SSBP2: variants seen among roughly 807,000 people sequenced by gnomAD.
SSBP2 encodes the protein single-stranded DNA-binding protein 2.
In SSBP2, 17 loss-of-function variants were observed where a neutral mutation model predicts 61.8. That is an observed-to-expected ratio of 0.28 (90% confidence interval 0.19 to 0.41). The LOEUF is 0.41. SSBP2 is among the 10% of genes least tolerant of loss of function. The pLI, the probability that SSBP2 is intolerant of heterozygous loss-of-function variation, is 1.00. For synonymous variants in SSBP2, 139 were observed against 141.3 expected (o/e 0.98, Z 0.12); for missense variants, 310 against 458.7 (o/e 0.68, Z 2.96).
chr5:81,644,715 A>G (rs1271219057), intron 2 of SSBP2, among the ~76,000 whole-genome samples: 2 of 152,166 alleles, frequency 1.3e-5, no homozygotes, highest in Non-Finnish European at 1.5e-5. Context: ...TAAAAAAGGG[A>G]TAGACCATAA....
At chr5:81,672,387 T>G (rs987513305) in intron 1 of SSBP2, among the ~76,000 whole-genome samples, 1 of 152,092 alleles carries the variant, frequency 6.6e-6, no homozygotes, top group African/African-American at 2.4e-5. Context: ...AAGAAAATAG[T>G]CCATATTTTT....
intron 3 of SSBP2, among the ~76,000 whole-genome samples, chr5:81,617,849 A>T (rs1264118226): frequency 8.3e-6 from 1 of 120,632 alleles, no homozygotes; most frequent in African/African-American, 3.2e-5. Context: ...ATCCAGCCAA[A>T]CTAAGCTTCA....
chr5:81,623,012 G>A (rs963928493), intron 3 of SSBP2, among the ~76,000 whole-genome samples: 1 of 151,512 alleles, frequency 6.6e-6, no homozygotes, highest in Admixed American at 6.6e-5. Context: ...AGTTATAACT[G>A]AAATCCTTGC....
chr5:81,741,458 C>A (rs1038463608), intron 1 of SSBP2, among the ~76,000 whole-genome samples: 1 of 152,088 alleles, frequency 6.6e-6, no homozygotes, highest in Non-Finnish European at 1.5e-5. Flanking sequence ...CTGAACTGTA[C>A]AACTAAAAGT....
At chr5:81,717,229 C>T (rs1441482288) in intron 1 of SSBP2, among the ~76,000 whole-genome samples, 1 of 152,010 alleles carries the variant, frequency 6.6e-6, no homozygotes, top group African/African-American at 2.4e-5. Flanking sequence ...AGGTAGTCAC[C>T]CTCCAGGACA....
intron 3 of SSBP2, among the ~76,000 whole-genome samples, chr5:81,630,025 G>C (rs887837743): frequency 2.0e-5 from 3 of 152,120 alleles, no homozygotes; most frequent in African/African-American, 7.2e-5. Flanking sequence ...TGGTGAAAAG[G>C]CTTAAACAAC....
At chr5:81,523,084 G>T (rs187120204) in intron 4 of SSBP2, among the ~76,000 whole-genome samples, 37 of 152,074 alleles carry the variant, frequency 2.4e-4, no homozygotes, top group Admixed American at 5.2e-4. Flanking sequence ...AAATAAGAGT[G>T]CTGTGACTGG....
chr5:81,478,210 G>A (rs1765721929), intron 6 of SSBP2, among the ~76,000 whole-genome samples: 1 of 152,086 alleles, frequency 6.6e-6, no homozygotes, highest in Admixed American at 6.6e-5. Context: ...TGCCCAGGCT[G>A]CAGTGCAGTG....
At chr5:81,622,241 G>A (rs1361648381) in intron 3 of SSBP2, among the ~76,000 whole-genome samples, 1 of 152,060 alleles carries the variant, frequency 6.6e-6, no homozygotes, top group East Asian at 1.9e-4. Flanking sequence ...TACAGCTCTG[G>A]TCATCCTTCC....
chr5:81,741,926 T>A (rs1033129408), intron 1 of SSBP2, among the ~76,000 whole-genome samples: 14 of 152,164 alleles, frequency 9.2e-5, no homozygotes, highest in South Asian at 4.1e-4. Flanking sequence ...AATCCACACT[T>A]AAACCTTAAA....
intron 1 of SSBP2, 142 bp downstream of exon 1, chr5:81,750,839 C>T: frequency 1.1e-6 from 1 of 920,996 alleles, no homozygotes; most frequent in South Asian, 1.6e-5. Context: ...CCACACGCCC[C>T]CATCGCGGCA....
At chr5:81,589,406 G>A (rs553588649) in intron 4 of SSBP2, among the ~76,000 whole-genome samples, 2 of 152,186 alleles carry the variant, frequency 1.3e-5, no homozygotes, top group East Asian at 1.9e-4. Context: ...ATCAAAAACA[G>A]GAAGTCAGAT....
chr5:81,715,824 A>G (rs933986078), intron 1 of SSBP2, among the ~76,000 whole-genome samples: 1 of 152,154 alleles, frequency 6.6e-6, no homozygotes, highest in African/African-American at 2.4e-5. Context: ...AGGAAGGCCG[A>G]GGCAAGAGGA....
At chr5:81,648,979 C>T (rs2153706341) in intron 2 of SSBP2, among the ~76,000 whole-genome samples, 1 of 152,058 alleles carries the variant, frequency 6.6e-6, no homozygotes, top group South Asian at 2.1e-4. Flanking sequence ...CTGTACTTCA[C>T]ACATATAGCA....
chr5:81,518,924 A>C (rs1013848310), intron 4 of SSBP2, among the ~76,000 whole-genome samples: 1 of 152,128 alleles, frequency 6.6e-6, no homozygotes, highest in Non-Finnish European at 1.5e-5. Context: ...GTTTTCTTAA[A>C]TCTTCATTGT....
intron 4 of SSBP2, among the ~76,000 whole-genome samples, chr5:81,521,339 A>C (rs1226416511): frequency 1.3e-5 from 2 of 151,966 alleles, no homozygotes; most frequent in Non-Finnish European, 2.9e-5. Context: ...CTTAACCTTC[A>C]ATTTTGTAAC....
intron 15 of SSBP2, among the ~76,000 whole-genome samples, chr5:81,431,175 G>A (rs983073094): frequency 1.3e-5 from 2 of 152,056 alleles, no homozygotes; most frequent in African/African-American, 4.8e-5. Flanking sequence ...TCATCAATAA[G>A]GCAAGAATAT....
At chr5:81,530,493 C>T (rs1770305851) in intron 4 of SSBP2, among the ~76,000 whole-genome samples, 1 of 152,050 alleles carries the variant, frequency 6.6e-6, no homozygotes. Context: ...ATGATTGTTA[C>T]ACAACCCCAT....
At chr5:81,567,778 C>G (rs1773540867) in intron 4 of SSBP2, among the ~76,000 whole-genome samples, 1 of 152,176 alleles carries the variant, frequency 6.6e-6, no homozygotes, top group African/African-American at 2.4e-5. Flanking sequence ...ATCAGTATGA[C>G]CTGGATGTGA....
Sources: allele counts gnomAD v4.1 joint callset (sites outside exome capture counted in the v4.1 genomes callset), GRCh38; gene constraint gnomAD v4.1.1; transcripts MANE v1.5; gene names NCBI Gene and HGNC (gene_info 2026-07-23, HGNC 2026-07-21).